KCNJ6: variants seen among roughly 807,000 people sequenced by gnomAD.
The protein encoded by KCNJ6 is potassium inwardly rectifying channel subfamily J member 6.
Under a neutral mutation model 34.2 loss-of-function variants are expected in KCNJ6, and 9 were observed. That is an observed-to-expected ratio of 0.26 (90% CI 0.16 to 0.46). The LOEUF (loss-of-function observed/expected upper bound fraction) is 0.46. Among genes scored for constraint, KCNJ6 ranks in the 20% least tolerant of loss-of-function variants. The pLI is 1.00. For missense variants in KCNJ6, 236 were observed against 531.3 expected (o/e 0.44, Z 5.46); for synonymous variants, 196 against 207.1 (o/e 0.95, Z 0.46).
chr21:37,689,493 A>C, intron 3 of KCNJ6, among the ~76,000 whole-genome samples: 1 of 152,054 alleles, frequency 6.6e-6, no homozygotes, highest in East Asian at 1.9e-4. Flanking sequence ...CTCCCAATAG[A>C]GGAGAGTTAC....
intron 3 of KCNJ6, among the ~76,000 whole-genome samples, chr21:37,673,746 A>T (rs754377897): frequency 6.6e-6 from 1 of 152,190 alleles, no homozygotes; most frequent in Non-Finnish European, 1.5e-5. Context: ...TCTAGGCAGG[A>T]CTGAAGCAGG....
chr21:37,840,660 A>T lies in KCNJ6; in HGVS notation c.23T>A (p.Met8Lys). 6.2e-7 allele frequency: 1 copy of T among 1,603,080 alleles called. No homozygotes were observed. The highest frequency in any genetic ancestry group is 1.7e-5 in the Admixed American group (1 of 59,222). The change falls in exon 2 of 4, where the codon ATG becomes AAG. Residue 8 changes from methionine (M) to lysine (K), a missense_variant and splice_region_variant. Met to Lys is a moderately conservative substitution (Grantham distance 95). Around this residue, in one of 5 missense-constraint regions of KCNJ6, gnomAD observed 64 missense variants for 68.9 expected, o/e 0.93. Coordinates refer to ENST00000609713, the MANE Select transcript of KCNJ6 (RefSeq NM_002240.5). ...ATAATAAATTTGAAGCTACTCACTCATGGATTCTGTCAGCTTGGCCATTGT... is the reference window on the plus strand; with the variant it reads ...ATAATAAATTTGAAGCTACTCACTCTTGGATTCTGTCAGCTTGGCCATTGT... The part of the protein sequence containing the change: MAKLTES[M>K]TNVLEGDSMD...
At chr21:37,766,448 G>A (rs2055091576) in intron 2 of KCNJ6, among the ~76,000 whole-genome samples, 1 of 152,274 alleles carries the variant, frequency 6.6e-6, no homozygotes, top group East Asian at 1.9e-4. Context: ...TTTTGATCAT[G>A]CATTTAATCT....
chr21:37,718,847 C>CTA (rs2054808737), intron 2 of KCNJ6, among the ~76,000 whole-genome samples: 1 of 152,002 alleles, frequency 6.6e-6, no homozygotes. Context: ...CAATGGGAAA[C>CTA]AAAAAAACAA....
chr21:37,703,478 A>G (rs1032150360), intron 3 of KCNJ6, among the ~76,000 whole-genome samples: 2 of 152,230 alleles, frequency 1.3e-5, no homozygotes, highest in African/African-American at 2.4e-5. Context: ...TGGTGTTGAA[A>G]GACTGAAGAG....
intron 1 of KCNJ6, among the ~76,000 whole-genome samples, chr21:37,898,934 T>C (rs1318053007): frequency 6.6e-6 from 1 of 152,260 alleles, no homozygotes; most frequent in Non-Finnish European, 1.5e-5. Context: ...GCTATATTTC[T>C]TTGTTGAAGC....
chr21:37,816,538 C>T (rs1483017040), intron 2 of KCNJ6, among the ~76,000 whole-genome samples: 1 of 152,206 alleles, frequency 6.6e-6, no homozygotes, highest in Non-Finnish European at 1.5e-5. Flanking sequence ...TTGTGTAAGT[C>T]TGTGACCTGT....
chr21:37,633,342 C>T (rs1311782862), intron 3 of KCNJ6, among the ~76,000 whole-genome samples: 2 of 152,110 alleles, frequency 1.3e-5, no homozygotes, highest in Admixed American at 6.5e-5. Flanking sequence ...AAAATCTAAA[C>T]AATCATTATT....
chr21:37,671,633 C>T (rs1363818854), intron 3 of KCNJ6, among the ~76,000 whole-genome samples: 2 of 152,198 alleles, frequency 1.3e-5, no homozygotes, highest in Admixed American at 6.5e-5. Flanking sequence ...TGGCATCTGC[C>T]GGGGTGGGGC....
intron 2 of KCNJ6, among the ~76,000 whole-genome samples, chr21:37,736,192 C>CT (rs5843864): frequency 0.37 from 54,208 of 146,428 alleles, 10,731 homozygotes; most frequent in Admixed American, 0.47. Flanking sequence ...GAGCCCTGTG[C>CT]TAGGCCCTGG....
intron 1 of KCNJ6, among the ~76,000 whole-genome samples, chr21:37,900,433 T>C (rs2055811218): frequency 6.6e-6 from 1 of 152,184 alleles, no homozygotes. Context: ...GAAACATCAG[T>C]GAACAAAACG....
At chr21:37,765,485 C>T (rs2055086397) in intron 2 of KCNJ6, among the ~76,000 whole-genome samples, 1 of 152,162 alleles carries the variant, frequency 6.6e-6, no homozygotes, top group South Asian at 2.1e-4. Flanking sequence ...GCCAGGGAGG[C>T]TGTTAAACAT....
chr21:37,711,107 G>A (rs574113569), intron 3 of KCNJ6, among the ~76,000 whole-genome samples: 1 of 152,286 alleles, frequency 6.6e-6, no homozygotes, highest in Non-Finnish European at 1.5e-5. Flanking sequence ...AGGGGGGCTC[G>A]CTTCCAGCCT....
At chr21:37,814,583 T>C (rs1425136148) in intron 2 of KCNJ6, among the ~76,000 whole-genome samples, 4 of 152,144 alleles carry the variant, frequency 2.6e-5, no homozygotes, top group Non-Finnish European at 5.9e-5. Flanking sequence ...ACGTACACAA[T>C]GGAATACTAT....
chr21:37,870,056 G>A (rs1455300705), intron 1 of KCNJ6, among the ~76,000 whole-genome samples: 1 of 152,224 alleles, frequency 6.6e-6, no homozygotes, highest in African/African-American at 2.4e-5. Flanking sequence ...AAGGAGAAAG[G>A]AGAACACACT....
chr21:37,831,915 A>G (rs1470622736), intron 2 of KCNJ6, among the ~76,000 whole-genome samples: 1 of 152,160 alleles, frequency 6.6e-6, no homozygotes, highest in East Asian at 1.9e-4. Flanking sequence ...GAAAGGCAGT[A>G]GAGGGAAGTA....
In KCNJ6 at chr21:37,656,209, A is replaced by ATGC. The variant is rs1446997114; in HGVS notation, c.947-30728_947-30726dup. Among the ~76,000 whole-genome samples the ATGC allele has an allele frequency of 2.6e-5, 4 of 152,072 alleles. No individual in the cohort carries two copies. In the East Asian group the frequency reaches 7.7e-4, roughly 29 times the overall value. On this transcript the variant is annotated intron_variant, in intron 3 of 3. Coordinates refer to ENST00000609713, the MANE Select transcript of KCNJ6 (RefSeq NM_002240.5). Reference sequence around the variant, plus strand: ...TTCTCCCTGCTGAGCAGCACAGGAGATGCTGACTCCTGGCTCTAGTGCTTT... The same window carrying ATGC: ...TTCTCCCTGCTGAGCAGCACAGGAGATGCTGCTGACTCCTGGCTCTAGTGCTTT...
intron 1 of KCNJ6, among the ~76,000 whole-genome samples, chr21:37,911,272 A>G (rs781430631): frequency 1.2e-4 from 18 of 151,450 alleles, no homozygotes; most frequent in Non-Finnish European, 2.9e-5. Context: ...GCTACATTTT[A>G]TTCTTCTATC....
intron 1 of KCNJ6, among the ~76,000 whole-genome samples, chr21:37,890,443 G>A (rs1463596657): frequency 6.6e-6 from 1 of 152,164 alleles, no homozygotes; most frequent in Non-Finnish European, 1.5e-5. Flanking sequence ...TCTCAAAAGA[G>A]TTTTACAGTC....
Sources: gnomAD v4.1 joint callset for allele counts (sites outside exome capture counted in the v4.1 genomes callset) on GRCh38, gnomAD v4.1.1 for gene constraint, gnomAD v4.1.1 regional missense constraint, MANE v1.5 for transcripts, NCBI Gene and HGNC (gene_info 2026-07-23, HGNC 2026-07-21) for gene names.